Variants in SDC2 observed in about 807,000 individuals in gnomAD.
The protein encoded by SDC2 is syndecan-2.
A neutral mutation model predicts 22.2 loss-of-function variants in SDC2; 13 were observed. That is an observed-to-expected ratio of 0.59 (90% CI 0.38 to 0.93). The LOEUF is 0.93. Ranked by LOEUF, SDC2 falls within the 40% of genes least tolerant of loss-of-function variation. The pLI, the probability that SDC2 is intolerant of heterozygous loss-of-function variation, is 0.00. For synonymous variants in SDC2, 94 were observed against 92.8 expected (o/e 1.01, Z -0.07); for missense variants, 235 against 246.8 (o/e 0.95, Z 0.32).
At chr8:96,597,338 C>G (rs1309413261) in intron 2 of SDC2, among the ~76,000 whole-genome samples, 2 of 152,100 alleles carry the variant, frequency 1.3e-5, no homozygotes, top group African/African-American at 4.8e-5. Flanking sequence ...TGGGAGCTCT[C>G]CAGTGAAACG....
chr8:96,596,875 A>G (rs1814886264), intron 2 of SDC2, among the ~76,000 whole-genome samples: 1 of 152,226 alleles, frequency 6.6e-6, no homozygotes, highest in Admixed American at 6.5e-5. Context: ...GTTAGTTCGC[A>G]GTGGGGAGAG....
Position 96,610,582 on chromosome 8 carries a change from CAT to C in SDC2, c.*1036_*1037del, listed in dbSNP as rs1394455501. 1 of 152,526 alleles carries C rather than the reference CAT, an allele frequency of 6.6e-6. No homozygotes were observed. Among genetic ancestry groups the C allele is most frequent in the Non-Finnish European group, 1.5e-5 (1 of 68,022 alleles). The allele number at this position is 152,526 out of a possible 1,614,324, so 9.4% of individuals were successfully genotyped here. A position where few individuals can be genotyped will look rare whatever the true frequency, so the allele number is the denominator to read the frequency against. ...TAACTTTTGTAGTCTTATGAATAGA[CAT>C]AAATTGTAATTTGGGAACATAAAAA... On this transcript the variant is annotated 3_prime_UTR_variant, in exon 5 of 5. Coordinates refer to ENST00000302190, the MANE Select transcript of SDC2 (RefSeq NM_002998.4).
At chr8:96,582,061 G>C (rs1814598657) in intron 1 of SDC2, among the ~76,000 whole-genome samples, 2 of 152,190 alleles carry the variant, frequency 1.3e-5, no homozygotes, top group Admixed American at 6.5e-5. Flanking sequence ...GGTGCAGCTC[G>C]GGGAAGGCTT....
At chr8:96,578,067 T>A (rs1417778216) in intron 1 of SDC2, among the ~76,000 whole-genome samples, 1 of 152,252 alleles carries the variant, frequency 6.6e-6, no homozygotes, top group Non-Finnish European at 1.5e-5. Flanking sequence ...CCTAGTTAGA[T>A]GGACTGCTTA....
chr8:96,537,652 T>A (rs1257051126), intron 1 of SDC2, among the ~76,000 whole-genome samples: 3 of 152,232 alleles, frequency 2.0e-5, no homozygotes, highest in Non-Finnish European at 4.4e-5. Flanking sequence ...TGATTTTTGC[T>A]TTGGGATATT....
chr8:96,536,720 G>A (rs1305871661), intron 1 of SDC2, among the ~76,000 whole-genome samples: 3 of 152,204 alleles, frequency 2.0e-5, no homozygotes, highest in Admixed American at 1.3e-4. Flanking sequence ...AGTCAGCTCT[G>A]TAGAGCTTGT....
chr8:96,511,235 G>A (rs1444899998), intron 1 of SDC2, among the ~76,000 whole-genome samples: 3 of 152,104 alleles, frequency 2.0e-5, no homozygotes, highest in African/African-American at 4.8e-5. Flanking sequence ...TGTGGGGCAC[G>A]GGTGTCAGTA....
intron 3 of SDC2, among the ~76,000 whole-genome samples, chr8:96,605,518 A>G (rs1205530735): frequency 6.6e-6 from 1 of 152,172 alleles, no homozygotes; most frequent in African/African-American, 2.4e-5. Context: ...CTTCTGCTTT[A>G]CTTTGGTACC....
chr8:96,581,264 T>C (rs985809062), intron 1 of SDC2, among the ~76,000 whole-genome samples: 5 of 152,216 alleles, frequency 3.3e-5, no homozygotes, highest in African/African-American at 1.2e-4. Context: ...TAATTAAGCA[T>C]GTAATTTTAT....
At chr8:96,567,051 G>A (rs113075472) in intron 1 of SDC2, among the ~76,000 whole-genome samples, 88 of 152,202 alleles carry the variant, frequency 5.8e-4, no homozygotes, top group African/African-American at 2.1e-3. Flanking sequence ...ATGGGGTTTC[G>A]CCATGTTGGC....
At chr8:96,537,481 G>C (rs1299592265) in intron 1 of SDC2, 1 of 38,400 alleles carries the variant, frequency 2.6e-5, no homozygotes, top group East Asian at 4.5e-4. Flanking sequence ...TATACTTAAG[G>C]GACCACACGC....
At chr8:96,517,795 GTGTGTGTA>G (rs1370891895) in intron 1 of SDC2, among the ~76,000 whole-genome samples, 2,625 of 118,670 alleles carry the variant, frequency 0.022, 34 homozygotes, top group Non-Finnish European at 0.031. Context: ...GTGTGTGTGT[GTGTGTGTA>G]TATATATATG....
intron 1 of SDC2, among the ~76,000 whole-genome samples, chr8:96,509,513 C>G (rs994007126): frequency 2.1e-5 from 3 of 141,724 alleles, no homozygotes; most frequent in Admixed American, 1.4e-4. Context: ...GGTTTTCCAT[C>G]TGGGTAGTGG....
chr8:96,505,735 T>A (rs1813229308), intron 1 of SDC2, among the ~76,000 whole-genome samples: 1 of 152,256 alleles, frequency 6.6e-6, no homozygotes, highest in Non-Finnish European at 1.5e-5. Context: ...TGATTAGGTA[T>A]TGTGATTATG....
At chr8:96,569,152 T>C (rs1814349232) in intron 1 of SDC2, among the ~76,000 whole-genome samples, 1 of 152,140 alleles carries the variant, frequency 6.6e-6, no homozygotes, top group African/African-American at 2.4e-5. Context: ...GGACTGCAGG[T>C]GCACACCAAC....
intron 1 of SDC2, among the ~76,000 whole-genome samples, chr8:96,578,412 T>A (rs1814538625): frequency 6.6e-6 from 1 of 152,248 alleles, no homozygotes; most frequent in Non-Finnish European, 1.5e-5. Context: ...TGTGGCTATT[T>A]GCTGTTATTT....
At chr8:96,604,676 A>C (rs963934751) in intron 3 of SDC2, among the ~76,000 whole-genome samples, 1 of 152,196 alleles carries the variant, frequency 6.6e-6, no homozygotes, top group African/African-American at 2.4e-5. Flanking sequence ...TTAAGTGACT[A>C]AAATGCACAA....
At chr8:96,608,535 A>G in intron 4 of SDC2, 65 bp downstream of exon 4, 1 of 1,397,476 alleles carries the variant, frequency 7.2e-7, no homozygotes, top group African/African-American at 1.5e-5. Flanking sequence ...TCTAAGTGAT[A>G]TTCAAAAGTG....
Position 96,602,446 on chromosome 8 carries a change from C to G in SDC2, c.224C>G (p.Pro75Arg). Residue 75 changes from proline (P) to arginine (R), a missense_variant, in exon 3 of 5, where the codon CCA becomes CGA. Pro to Arg is a moderately radical substitution (Grantham distance 103). Transcript: ENST00000302190. ...SPELTTSRPL[P>R]KILLTSAAPK... ...GAGCTGACAACATCTCGACCACTTCCAAAGATACTGTTGACTAGTGCTGCT... is the reference window on the plus strand; with the variant it reads ...GAGCTGACAACATCTCGACCACTTCGAAAGATACTGTTGACTAGTGCTGCT... 1 of 1,614,090 alleles carries G rather than the reference C, an allele frequency of 6.2e-7. No individual in the cohort carries two copies. The highest frequency in any genetic ancestry group is 1.1e-5 in the South Asian group (1 of 91,080).
Sources: gnomAD v4.1 joint callset for allele counts (sites outside exome capture counted in the v4.1 genomes callset) on GRCh38, gnomAD v4.1.1 for gene constraint, MANE v1.5 for transcripts, NCBI Gene and HGNC (gene_info 2026-07-23, HGNC 2026-07-21) for gene names.